The following ZNF385D variants were observed in gnomAD, a reference collection of about 807,000 sequenced individuals.
ZNF385D encodes the protein zinc finger protein 659.
In ZNF385D, 15 loss-of-function variants were observed where a neutral mutation model predicts 35.8. The ratio of observed to expected loss-of-function variants is 0.42; its 90% confidence interval spans 0.28 to 0.64. ZNF385D has a LOEUF of 0.64. ZNF385D is among the 30% of genes least tolerant of loss of function. The probability of loss-of-function intolerance (pLI) is 0.23; values close to 1 mark genes in which losing one functional copy is unlikely to be tolerated. For synonymous variants in ZNF385D, 212 were observed against 186.8 expected (o/e 1.13, Z -1.10); for missense variants, 474 against 494.6 (o/e 0.96, Z 0.39).
chr3:21,966,310 T>C (rs1402598031), intron 3 of ZNF385D, among the ~76,000 whole-genome samples: 2 of 152,172 alleles, frequency 1.3e-5, no homozygotes, highest in African/African-American at 2.4e-5. Flanking sequence ...ACTGAACTGG[T>C]AGTAAATTTT....
chr3:22,016,095 G>C (rs1272838473), intron 3 of ZNF385D, among the ~76,000 whole-genome samples: 1 of 152,086 alleles, frequency 6.6e-6, no homozygotes, highest in Non-Finnish European at 1.5e-5. Flanking sequence ...CTACTTGTTA[G>C]AGTGCTCATA....
intron 2 of ZNF385D, among the ~76,000 whole-genome samples, chr3:22,210,903 T>C (rs1223617369): frequency 1.3e-5 from 2 of 151,950 alleles, no homozygotes; most frequent in East Asian, 3.9e-4. Flanking sequence ...TTCAGCAAAA[T>C]AATACTAAGT....
intron 2 of ZNF385D, among the ~76,000 whole-genome samples, chr3:22,231,537 G>T (rs1415878451): frequency 3.9e-5 from 6 of 152,102 alleles, no homozygotes; most frequent in African/African-American, 1.4e-4. Context: ...CTCTGCTGCT[G>T]AGTGAGCTCT....
At chr3:21,790,532 TAA>T (rs1435054285) in intron 3 of ZNF385D, among the ~76,000 whole-genome samples, 2 of 152,072 alleles carry the variant, frequency 1.3e-5, no homozygotes, top group African/African-American at 4.8e-5. Context: ...CTGAAAAAAA[TAA>T]AGAGAAGAAA....
At chr3:21,590,695 G>A (rs2063948483) in intron 2 of ZNF385D, among the ~76,000 whole-genome samples, 1 of 152,024 alleles carries the variant, frequency 6.6e-6, no homozygotes. Flanking sequence ...TTGTTGGTGG[G>A]AGATGAGCGG....
intron 3 of ZNF385D, among the ~76,000 whole-genome samples, chr3:21,971,324 A>G (rs1179582610): frequency 6.6e-6 from 1 of 152,080 alleles, no homozygotes; most frequent in African/African-American, 2.4e-5. Flanking sequence ...CAGGATGATG[A>G]TGTTAAAGTG....
chr3:21,487,334 C>G (rs539780647), intron 4 of ZNF385D, among the ~76,000 whole-genome samples: 98 of 151,880 alleles, frequency 6.5e-4, no homozygotes, highest in African/African-American at 2.2e-3. Context: ...GTTACTTTTG[C>G]TTATTATCAC....
intron 2 of ZNF385D, among the ~76,000 whole-genome samples, chr3:22,343,102 G>A (rs918301118): frequency 6.6e-6 from 1 of 152,172 alleles, no homozygotes; most frequent in African/African-American, 2.4e-5. Context: ...TTTGGTTAAA[G>A]TATTTACATT....
intron 4 of ZNF385D, among the ~76,000 whole-genome samples, chr3:21,467,587 CTTTGTCCTGGCCTTA>C (rs760556328): frequency 1.3e-5 from 2 of 152,202 alleles, no homozygotes; most frequent in Non-Finnish European, 2.9e-5. Context: ...ACTACTAGAG[CTTTGTCCTGGCCTTA>C]GATGCCTGGT....
chr3:22,327,416 C>T (rs1694729197), intron 2 of ZNF385D, among the ~76,000 whole-genome samples: 1 of 152,086 alleles, frequency 6.6e-6, no homozygotes, highest in South Asian at 2.1e-4. Flanking sequence ...GTTCCATGGG[C>T]CTACATTAAC....
intron 2 of ZNF385D, among the ~76,000 whole-genome samples, chr3:21,649,582 C>G (rs1205983113): frequency 1.3e-5 from 2 of 152,160 alleles, no homozygotes; most frequent in East Asian, 3.9e-4. Flanking sequence ...AGCAACTCTT[C>G]AGACCCAGAA....
At chr3:22,309,207 A>G (rs1403253859) in intron 2 of ZNF385D, among the ~76,000 whole-genome samples, 1 of 152,100 alleles carries the variant, frequency 6.6e-6, no homozygotes, top group African/African-American at 2.4e-5. Context: ...AAGGAGGAAG[A>G]TATTTGACCC....
intron 4 of ZNF385D, among the ~76,000 whole-genome samples, chr3:21,439,284 T>G (rs1392570949): frequency 1.0e-5 from 1 of 95,446 alleles, no homozygotes; most frequent in Non-Finnish European, 2.0e-5. Context: ...AACAAGAAAA[T>G]CAGATTTTGA....
At chr3:21,932,141 T>C (rs1020400560) in intron 3 of ZNF385D, among the ~76,000 whole-genome samples, 4 of 101,134 alleles carry the variant, frequency 4.0e-5, no homozygotes, top group African/African-American at 3.9e-5. Context: ...CACTCCGGCC[T>C]GGGCGAAAGA....
At chr3:21,966,843 G>C (rs1022316246) in intron 3 of ZNF385D, among the ~76,000 whole-genome samples, 3 of 152,168 alleles carry the variant, frequency 2.0e-5, no homozygotes, top group Non-Finnish European at 4.4e-5. Context: ...TGGCCTCCGA[G>C]GCCGAAGGAT....
At chr3:22,209,547 A>G (rs1332430979) in intron 2 of ZNF385D, among the ~76,000 whole-genome samples, 1 of 151,912 alleles carries the variant, frequency 6.6e-6, no homozygotes, top group Non-Finnish European at 1.5e-5. Flanking sequence ...AACATGAACT[A>G]TAAGCAAACC....
chr3:22,023,384 G>T (rs1029678126), intron 3 of ZNF385D, among the ~76,000 whole-genome samples: 2 of 152,082 alleles, frequency 1.3e-5, no homozygotes, highest in Non-Finnish European at 1.5e-5. Context: ...TTATTATCAT[G>T]CACATATCAT....
chr3:21,958,254 G>A lies in ZNF385D; in HGVS notation c.325+210563C>T, dbSNP rs144436539. On this transcript the variant is annotated intron_variant, in intron 3 of 5. Coordinates refer to the ZNF385D transcript ENST00000494108. ...TTTTGTGAGGTGATCACATTAAGAAGACCTATATTTTGGAGTTAGGGACAC... is the reference window on the plus strand; with the variant it reads ...TTTTGTGAGGTGATCACATTAAGAAAACCTATATTTTGGAGTTAGGGACAC... Among the ~76,000 whole-genome samples, 278 of 152,222 alleles carry A rather than the reference G, an allele frequency of 1.8e-3. 1 individual carries two copies. Among genetic ancestry groups the A allele is most frequent in the African/African-American group, 6.4e-3 (267 of 41,536 alleles).
rs139843601 is a variant in ZNF385D at position 22,106,385 on chromosome 3, G to C, written c.325+62432C>G. 2.0e-3 allele frequency among the ~76,000 whole-genome samples: 301 copies of C among 148,898 alleles called. 1 individual carries two copies. Among genetic ancestry groups the C allele is most frequent in the African/African-American group, 6.9e-3 (285 of 41,292 alleles). The stretch of plus-strand genomic sequence containing the variant: ...CTGCCCTTTGGTCACTGTTCTCCTA[G>C]GTCCAGCTGAAAGGACAAAAAAATC... On this transcript the variant is annotated intron_variant, in intron 3 of 5. Transcript: ENST00000494108.
Sources: gnomAD v4.1 joint callset for allele counts (sites outside exome capture counted in the v4.1 genomes callset) on GRCh38, gnomAD v4.1.1 for gene constraint, MANE v1.5 for transcripts, NCBI Gene and HGNC (gene_info 2026-07-23, HGNC 2026-07-21) for gene names.